The following BRCA2 variants were observed in gnomAD, a reference collection of about 807,000 sequenced individuals.
BRCA2 encodes the protein BRCA2 DNA repair associated.
In BRCA2, 203 loss-of-function variants were observed where a neutral mutation model predicts 276.7. The observed-to-expected ratio is 0.73, with a 90% confidence interval of 0.65 to 0.82. The LOEUF (loss-of-function observed/expected upper bound fraction) is 0.82, where lower values mean the gene tolerates loss of function less well. Among genes scored for constraint, BRCA2 ranks in the 40% least tolerant of loss-of-function variants. The pLI, the probability that BRCA2 is intolerant of heterozygous loss-of-function variation, is 0.00. For synonymous variants in BRCA2, 1,289 were observed against 1,338.4 expected, an observed-to-expected ratio of 0.96 and a Z score of 0.81; for missense variants, 3,920 against 3,915.0, an observed-to-expected ratio of 1.00 and a Z score of -0.03.
chr13:32,355,096 C>T lies in BRCA2; in HGVS notation c.7243C>T (p.His2415Tyr), dbSNP rs2137557262. Reference sequence around the variant, plus strand: ...TGTTCCACCTTTTAAAACTAAATCACATTTTCACAGAGTTGAACAGTGTGT... The same window carrying T: ...TGTTCCACCTTTTAAAACTAAATCATATTTTCACAGAGTTGAACAGTGTGT... ...VFVPPFKTKS[H>Y]FHRVEQCVRN... The change falls in exon 14 of 27, where the codon CAT (histidine) becomes TAT (tyrosine). Residue 2415 changes from histidine to tyrosine, a missense_variant. Physicochemically the swap from His to Tyr is moderately conservative, Grantham distance 83. Coordinates refer to ENST00000380152, the MANE Select transcript of BRCA2 (RefSeq NM_000059.4). 4 of 1,613,740 alleles carry T rather than the reference C, an allele frequency of 2.5e-6. No individual in the cohort carries two copies. Among genetic ancestry groups the T allele is most frequent in the South Asian group, 1.1e-5 (1 of 91,068 alleles).
chr13:32,376,902 C>A, intron 21 of BRCA2, 111 bp downstream of exon 21: 1 of 1,445,446 alleles, frequency 6.9e-7, no homozygotes, highest in Non-Finnish European at 9.5e-7. Context: ...CTGCATTTCT[C>A]AAAAGGGATG....
At chr13:32,331,453 C>T (rs2072391001) in intron 9 of BRCA2, among the ~76,000 whole-genome samples, 1 of 152,180 alleles carries the variant, frequency 6.6e-6, no homozygotes, top group Non-Finnish European at 1.5e-5. Context: ...ATCCCAGCTA[C>T]TCAGGAGGCT....
chr13:32,326,560 C>T lies in BRCA2; in HGVS notation c.578C>T (p.Ser193Phe), dbSNP rs864622305. 6.2e-7 allele frequency: 1 copy of T among 1,614,034 alleles called. No homozygotes were observed. The highest frequency in any genetic ancestry group is 8.5e-7 in the Non-Finnish European group (1 of 1,179,936). The change falls in exon 7 of 27, where the codon TCT becomes TTT. Residue 193 changes from serine (S) to phenylalanine (F), a missense_variant. By Grantham distance (155) the Ser-to-Phe change is radical. This residue lies in a region of BRCA2 where 3,263 missense variants were observed against 3,156.9 expected (regional missense o/e 1.03). Transcript: ENST00000380152. ...SLGAEVDPDM[S>F]WSSSLATPPT... is the part of the protein sequence containing the mutation. ...GGAGCTGAGGTGGATCCTGATATGTCTTGGTCAAGTTCTTTAGCTACACCA... is the reference window on the plus strand; with the variant it reads ...GGAGCTGAGGTGGATCCTGATATGTTTTGGTCAAGTTCTTTAGCTACACCA...
In BRCA2 at chr13:32,336,926, A is replaced by G. The variant is rs1252963506; in HGVS notation, c.2571A>G (p.Leu857=). 6.3e-7 allele frequency: 1 copy of G among 1,599,828 alleles called. No individual in the cohort carries two copies. ...TACAATTCAACCAAAACACAAATCT[A>G]AGAGTAATCCAAAAAAATCAAGAAG... is the stretch of plus-strand genomic sequence containing the variant. The part of the protein sequence containing the change: ...RKVQFNQNTN[L]RVIQKNQEET... Residue 857 remains leucine (L), a synonymous_variant, in exon 11 of 27, where the codon CTA becomes CTG. Coordinates refer to ENST00000380152, the MANE Select transcript of BRCA2 (RefSeq NM_000059.4).
At position 32,398,824 on chromosome 13, in the gene BRCA2, G is replaced by A. The variant is rs1291522961; in HGVS notation, c.*54G>A. The A allele has an allele frequency of 1.3e-6, 2 of 1,580,982 alleles. No homozygotes were observed. Among genetic ancestry groups the A allele is most frequent in the Admixed American group, 1.7e-5 (1 of 57,578 alleles). ...GACGCTTAACCTTTCCAGTTTATAA[G>A]ACTGGAATATAATTTCAAACCACAC... On this transcript the variant is annotated 3_prime_UTR_variant, in exon 27 of 27. Coordinates refer to ENST00000380152, the MANE Select transcript of BRCA2 (RefSeq NM_000059.4).
intron 24 of BRCA2, among the ~76,000 whole-genome samples, chr13:32,382,914 CTG>C (rs751928014): frequency 6.6e-6 from 1 of 152,112 alleles, no homozygotes; most frequent in Non-Finnish European, 1.5e-5. Context: ...GCAGGAGAGA[CTG>C]TTCATCTGTA....
rs773442698 is a variant in BRCA2, at chr13:32,337,999, G to T, written c.3644G>T (p.Gly1215Val). The change falls in exon 11 of 27, where the codon GGG (glycine) becomes GTG (valine). Residue 1215 changes from glycine to valine, a missense_variant. Around this residue, in one of 2 missense-constraint regions of BRCA2, gnomAD observed 3,263 missense variants for 3,156.9 expected, o/e 1.03. Coordinates refer to ENST00000380152, the MANE Select transcript of BRCA2 (RefSeq NM_000059.4). ...TATTTAACAGATGAAAATGAAGTGG[G>T]GTTTAGGGGCTTTTATTCTGCTCAT... ...SGYLTDENEV[G>V]FRGFYSAHGT... is the part of the protein sequence containing the mutation. 1 of 1,613,188 alleles carries T rather than the reference G, an allele frequency of 6.2e-7. No individual in the cohort carries two copies. The highest frequency in any genetic ancestry group is 8.5e-7 in the Non-Finnish European group (1 of 1,179,478).
chr13:32,395,852 C>T (rs1316923495), intron 25 of BRCA2: 1 of 165,172 alleles, frequency 6.1e-6, no homozygotes, highest in Admixed American at 6.2e-5. Context: ...ATGAATAACA[C>T]TCTGCTATAT....
rs772004723 is a variant in BRCA2, at chr13:32,338,981, G to T, written c.4626G>T (p.Val1542=). The part of the protein sequence containing the change: ...VKIAKESLDK[V]KNLFDEKEQG... ...TTGCAAAGGAATCTTTGGACAAAGT[G>T]AAAAACCTTTTTGATGAAAAAGAGC... Residue 1542 remains valine (V), a synonymous_variant, in exon 11 of 27, where the codon GTG becomes GTT. Transcript: ENST00000380152. 1 of 1,613,460 alleles carries T rather than the reference G, an allele frequency of 6.2e-7. No homozygotes were observed. The highest frequency in any genetic ancestry group is 2.2e-5 in the East Asian group (1 of 44,878).
At chr13:32,319,392 A>T in intron 3 of BRCA2, 67 bp downstream of exon 3, 1 of 1,457,982 alleles carries the variant, frequency 6.9e-7, no homozygotes, top group Non-Finnish European at 9.5e-7. Context: ...CCTGTGTTAA[A>T]ATCTTAGCTC....
At chr13:32,342,879 C>T (rs1268192113) in intron 11 of BRCA2, among the ~76,000 whole-genome samples, 1 of 152,050 alleles carries the variant, frequency 6.6e-6, no homozygotes, top group African/African-American at 2.4e-5. Context: ...AACCTTGTCT[C>T]TACTAAAAAT....
intron 24 of BRCA2, among the ~76,000 whole-genome samples, chr13:32,388,339 G>T (rs1222455982): frequency 6.6e-6 from 1 of 152,030 alleles, no homozygotes; most frequent in African/African-American, 2.4e-5. Context: ...GGGTGGTCTT[G>T]AACTCCTGAG....
Position 32,331,120 on chromosome 13 carries a change from G to A in BRCA2, c.793+90G>A, listed in dbSNP as rs150655133. 118 of 923,246 alleles carry A rather than the reference G, an allele frequency of 1.3e-4. 1 individual carries two copies. In the East Asian group the frequency reaches 2.9e-3, roughly 23 times the overall value. 57.2% of individuals were successfully genotyped at this position (923,246 alleles called of 1,614,324 possible). ...GAGGTGGAGTCTTGCTCTGTCACCC[G>A]TGATCTCGGTTTACCGCAACCTCTG... is the stretch of plus-strand genomic sequence containing the variant. On this transcript the variant is annotated intron_variant, in intron 9 of 26. Coordinates refer to ENST00000380152, the MANE Select transcript of BRCA2 (RefSeq NM_000059.4).
At chr13:32,369,816 C>G (rs1202258831) in intron 18 of BRCA2, among the ~76,000 whole-genome samples, 1 of 152,198 alleles carries the variant, frequency 6.6e-6, no homozygotes, top group Non-Finnish European at 1.5e-5. Flanking sequence ...TCAGGTGATA[C>G]GCCTGCCTCG....
In BRCA2 at chr13:32,336,642, C is replaced by G. The variant is rs863224585; in HGVS notation, c.2287C>G (p.His763Asp). 4 of 1,613,832 alleles carry G rather than the reference C, an allele frequency of 2.5e-6. No homozygotes were observed. Among genetic ancestry groups the G allele is most frequent in the Admixed American group, 1.7e-5 (1 of 59,978 alleles). ...FQSQKSLLYDHENASTLILTP... is the reference protein window; with the variant it reads ...FQSQKSLLYDDENASTLILTP... ...ATCCCAGAAAAGTCTTTTATATGAT[C>G]ATGAAAATGCCAGCACTCTTATTTT... Residue 763 changes from histidine (H) to aspartate (D), a missense_variant, in exon 11 of 27, where the codon CAT (histidine) becomes GAT (aspartate). His to Asp is a moderately conservative substitution (Grantham distance 81, BLOSUM62 -1). This residue lies in a region of BRCA2 where 3,263 missense variants were observed against 3,156.9 expected (regional missense o/e 1.03). Transcript: ENST00000380152.
chr13:32,375,685 G>A (rs1319136445), intron 20 of BRCA2, among the ~76,000 whole-genome samples: 5 of 151,310 alleles, frequency 3.3e-5, no homozygotes, highest in African/African-American at 1.2e-4. Context: ...CTCAGCCTCC[G>A]GAGTAGCTAG....
chr13:32,362,494 A>G (rs779584751), intron 16 of BRCA2, 29 bp from the exon 17 acceptor site: 2 of 1,599,788 alleles, frequency 1.3e-6, no homozygotes, highest in East Asian at 2.2e-5. Flanking sequence ...TGTGGTTTTT[A>G]TGATAATATT....
chr13:32,363,547 C>T lies in BRCA2; in HGVS notation c.8331+14C>T, dbSNP rs1287378096. On this transcript the variant is annotated intron_variant, in intron 18 of 26. Coordinates refer to ENST00000380152, the MANE Select transcript of BRCA2 (RefSeq NM_000059.4). Reference sequence around the variant, plus strand: ...CTTATGTTAAAGGTAAATTAATTTGCACTCTTGGTAAAAATCAGTCATTGA... The same window carrying T: ...CTTATGTTAAAGGTAAATTAATTTGTACTCTTGGTAAAAATCAGTCATTGA... The T allele has an allele frequency of 1.2e-6, 2 of 1,600,642 alleles. No homozygotes were observed. Among genetic ancestry groups the T allele is most frequent in the Non-Finnish European group, 1.7e-6 (2 of 1,168,274 alleles).
chr13:32,358,990 G>A (rs1397078198), intron 16 of BRCA2, among the ~76,000 whole-genome samples: 2 of 151,294 alleles, frequency 1.3e-5, no homozygotes, highest in Non-Finnish European at 2.9e-5. Context: ...GGGAGGTTGA[G>A]GTGGGCAGAT....
Sources: gnomAD v4.1 joint callset for allele counts (sites outside exome capture counted in the v4.1 genomes callset) on GRCh38, gnomAD v4.1.1 for gene constraint, gnomAD v4.1.1 regional missense constraint, MANE v1.5 for transcripts, NCBI Gene and HGNC (gene_info 2026-07-23, HGNC 2026-07-21) for gene names.